Variants in ITGA2 observed in about 807,000 individuals in gnomAD.
The protein encoded by ITGA2 is integrin subunit alpha 2.
Under a neutral mutation model 146.3 loss-of-function variants are expected in ITGA2, and 101 were observed. The ratio of observed to expected loss-of-function variants is 0.69; its 90% CI spans 0.59 to 0.81. The LOEUF is 0.81. ITGA2 is among the 40% of genes least tolerant of loss of function. The pLI is 0.00. For missense variants in ITGA2, 1,281 were observed against 1,402.7 expected (o/e 0.91, Z 1.39); for synonymous variants, 477 against 487.1 (o/e 0.98, Z 0.27).
At position 52,989,513 on chromosome 5, in the gene ITGA2, G is replaced by T. The variant is rs777303944; in HGVS notation, c.45G>T (p.Leu15=). Residue 15 remains leucine, a synonymous_variant, in exon 1 of 30, where the codon CTG becomes CTT. Transcript: ENST00000296585. ...RTGAAPLPLL[L]VLALSQGILN... ...GGGCCGCGCCGCTGCCGCTGCTGCT[G>T]GTGTTAGCGCTCAGTCAAGGTAAGC... 1 of 1,613,724 alleles carries T rather than the reference G, an allele frequency of 6.2e-7. No individual in the cohort carries two copies. The highest frequency in any genetic ancestry group is 8.5e-7 in the Non-Finnish European group (1 of 1,179,870).
chr5:53,050,563 G>A (rs1295352953), intron 6 of ITGA2, among the ~76,000 whole-genome samples: 5 of 152,080 alleles, frequency 3.3e-5, no homozygotes, highest in East Asian at 1.9e-4. Context: ...AGTCCTCACC[G>A]CTTCCACCTC....
intron 10 of ITGA2, among the ~76,000 whole-genome samples, chr5:53,059,016 A>C (rs1392124855): frequency 1.3e-5 from 2 of 151,950 alleles, no homozygotes; most frequent in Non-Finnish European, 2.9e-5. Context: ...CTCAAAGTAG[A>C]ACACATCTTT....
chr5:53,039,938 C>A (rs1483140353), intron 2 of ITGA2, among the ~76,000 whole-genome samples: 1 of 151,806 alleles, frequency 6.6e-6, no homozygotes, highest in East Asian at 1.9e-4. Flanking sequence ...TGTACCTTTC[C>A]TCTCTAGTGA....
intron 2 of ITGA2, among the ~76,000 whole-genome samples, chr5:53,027,795 T>C (rs1242009276): frequency 6.6e-6 from 1 of 152,124 alleles, no homozygotes; most frequent in East Asian, 1.9e-4. Flanking sequence ...AGAACCGTAA[T>C]GTATGGCCAA....
chr5:52,997,746 C>T (rs1741344856), intron 1 of ITGA2, among the ~76,000 whole-genome samples: 1 of 152,160 alleles, frequency 6.6e-6, no homozygotes. Context: ...GCCTTCGAGT[C>T]CTTTAGCCAA....
At chr5:53,071,706 A>G (rs1174915938) in intron 17 of ITGA2, among the ~76,000 whole-genome samples, 1 of 151,992 alleles carries the variant, frequency 6.6e-6, no homozygotes, top group Non-Finnish European at 1.5e-5. Flanking sequence ...AATTCTTACT[A>G]GACCCAAGTC....
intron 2 of ITGA2, among the ~76,000 whole-genome samples, chr5:53,030,473 C>T (rs1461934540): frequency 2.6e-5 from 4 of 152,174 alleles, no homozygotes; most frequent in Non-Finnish European, 5.9e-5. Context: ...CCAGATGATA[C>T]AAGCATACCC....
In ITGA2 at chr5:53,028,829, C is replaced by T. The variant is rs117795422; in HGVS notation, c.185+1961C>T. 8.7e-4 allele frequency among the ~76,000 whole-genome samples: 133 copies of T among 152,318 alleles called. 3 individuals carry two copies. The East Asian group carries it at 0.021, about 25-fold the overall frequency. Reference sequence around the variant, plus strand: ...CACCAAAATACCAATTATACCTGGCCGTTCCTCACTGTCTCTCCTGATGCC... The same window carrying T: ...CACCAAAATACCAATTATACCTGGCTGTTCCTCACTGTCTCTCCTGATGCC... On this transcript the variant is annotated intron_variant, in intron 2 of 29. Transcript: ENST00000296585.
chr5:53,075,302 A>G lies in ITGA2; in HGVS notation c.2823A>G (p.Thr941=). 6.2e-7 allele frequency: 1 copy of G among 1,610,996 alleles called. No individual in the cohort carries two copies. The highest frequency in any genetic ancestry group is 1.3e-5 in the African/African-American group (1 of 74,894). ...PLLYDAEIHL[T]RSTNINFYEI... The stretch of plus-strand genomic sequence containing the variant: ...TGTATGATGCTGAAATTCACTTAAC[A>G]AGGTAGGTGAAGCAGTGGGTAACCT... The change falls in exon 23 of 30, where the codon ACA becomes ACG. Residue 941 remains threonine (T), a splice_region_variant and synonymous_variant. Transcript: ENST00000296585.
At chr5:53,006,140 G>C (rs1436254856) in intron 1 of ITGA2, among the ~76,000 whole-genome samples, 1 of 152,030 alleles carries the variant, frequency 6.6e-6, no homozygotes, top group African/African-American at 2.4e-5. Context: ...TGGATTGATA[G>C]GTGCAGCAAA....
At chr5:53,081,723 T>C in intron 26 of ITGA2, 27 bp downstream of exon 26, 2 of 1,441,480 alleles carry the variant, frequency 1.4e-6, no homozygotes, top group Non-Finnish European at 1.9e-6. Flanking sequence ...GTGTGAAAGC[T>C]CCCCTCATTC....
chr5:53,051,674 T>C, intron 7 of ITGA2, 115 bp downstream of exon 7: 1 of 1,068,106 alleles, frequency 9.4e-7, no homozygotes, highest in Middle Eastern at 2.6e-4. Flanking sequence ...GGTACCTAAT[T>C]TAAATCAGAA....
In ITGA2 at chr5:53,073,913, C is replaced by T. The variant is rs183725482; in HGVS notation, c.2572-472C>T. On this transcript the variant is annotated intron_variant, in intron 20 of 29. Coordinates refer to ENST00000296585, the MANE Select transcript of ITGA2 (RefSeq NM_002203.4). ...CCCTGTGCCAAGTGGCAACTACTTC[C>T]TTTAAAGGGAAAAAAAAACCTGAAG... Among the ~76,000 whole-genome samples the T allele has an allele frequency of 1.6e-3, 223 of 142,500 alleles. 1 individual carries two copies. The South Asian group carries it at 0.029, about 19-fold the overall frequency. 93.5% of individuals were successfully genotyped at this position (142,500 alleles called of 152,430 possible).
Position 53,060,915 on chromosome 5 carries a change from G to T in ITGA2, c.1327G>T (p.Ala443Ser). ...HSSYLGYSVA[A>S]ISTGESTHFV... ...TTCCCTTTTAGGTTACTCTGTGGCTGCAATTTCTACTGGAGAAAGCACTCA... is the reference window on the plus strand; with the variant it reads ...TTCCCTTTTAGGTTACTCTGTGGCTTCAATTTCTACTGGAGAAAGCACTCA... The change falls in exon 12 of 30, where the codon GCA (alanine) becomes TCA (serine). Residue 443 changes from alanine (A) to serine (S), a missense_variant. Physicochemically the swap from Ala to Ser is moderately conservative, Grantham distance 99 (BLOSUM62 1). Transcript: ENST00000296585. 2 of 1,612,286 alleles carry T rather than the reference G, an allele frequency of 1.2e-6. No homozygotes were observed. Among genetic ancestry groups the T allele is most frequent in the Non-Finnish European group, 1.7e-6 (2 of 1,178,796 alleles).
chr5:53,016,661 A>G (rs1010512532), intron 1 of ITGA2, among the ~76,000 whole-genome samples: 5 of 152,286 alleles, frequency 3.3e-5, no homozygotes, highest in Admixed American at 6.5e-5. Flanking sequence ...ATTTTCACGG[A>G]TGATATCCTC....
At chr5:53,042,269 C>A in intron 3 of ITGA2, 48 bp downstream of exon 3, 1 of 1,119,938 alleles carries the variant, frequency 8.9e-7, no homozygotes, top group East Asian at 2.4e-5. Context: ...TTAGACTCAA[C>A]TGAAAAATAA....
At chr5:53,017,258 T>C (rs978731657) in intron 1 of ITGA2, among the ~76,000 whole-genome samples, 15 of 152,228 alleles carry the variant, frequency 9.9e-5, no homozygotes, top group East Asian at 1.9e-4. Flanking sequence ...TTGGATGGGT[T>C]GTTTTTTGCT....
Position 53,091,646 on chromosome 5 carries a change from T to G in ITGA2, c.*1047T>G, listed in dbSNP as rs1266594331. The stretch of plus-strand genomic sequence containing the variant: ...CCCCTCCTTTACCCCTCATCCAAAG[T>G]TCCCACTCCTTCAGGACAGCTGCTG... On this transcript the variant is annotated 3_prime_UTR_variant, in exon 30 of 30. Transcript: ENST00000296585. The G allele has an allele frequency of 6.6e-6, 1 of 152,244 alleles. No homozygotes were observed. Among genetic ancestry groups the G allele is most frequent in the Non-Finnish European group, 1.5e-5 (1 of 68,100 alleles). 9.4% of individuals were successfully genotyped at this position (152,244 alleles called of 1,614,324 possible). A position where few individuals can be genotyped will look rare whatever the true frequency, so the allele number is the denominator to read the frequency against.
chr5:53,046,496 G>T (rs3212677), intron 4 of ITGA2, among the ~76,000 whole-genome samples: 1 of 151,648 alleles, frequency 6.6e-6, no homozygotes, highest in Admixed American at 6.6e-5. Flanking sequence ...TTACAATAAG[G>T]TTGCTTTAAT....
Sources: gnomAD v4.1 joint callset for allele counts (sites outside exome capture counted in the v4.1 genomes callset) on GRCh38, gnomAD v4.1.1 for gene constraint, MANE v1.5 for transcripts, NCBI Gene and HGNC (gene_info 2026-07-23, HGNC 2026-07-21) for gene names.